Variants in ABHD3 observed in about 807,000 individuals in gnomAD.
ABHD3 encodes phospholipase ABHD3.
A neutral mutation model predicts 48.8 loss-of-function variants in ABHD3; 46 were observed. That is an observed-to-expected ratio of 0.94 (90% confidence interval 0.74 to 1.20). The LOEUF is 1.20. Ranked by LOEUF, ABHD3 falls within the 50% of genes most tolerant of loss-of-function variation. The pLI, the probability that ABHD3 is intolerant of heterozygous loss-of-function variation, is 0.00. For missense variants in ABHD3, 490 were observed against 497.8 expected (o/e 0.98, Z 0.15); for synonymous variants, 192 against 183.7 (o/e 1.04, Z -0.36).
intron 4 of ABHD3, among the ~76,000 whole-genome samples, chr18:21,665,632 C>T (rs905889723): frequency 3.3e-5 from 5 of 151,890 alleles, no homozygotes; most frequent in East Asian, 1.9e-4. Flanking sequence ...GCTAAAACAG[C>T]GAAACCCTGT....
In ABHD3 at chr18:21,657,531, G is replaced by A. The variant is rs1049164234; in HGVS notation, c.843-379C>T. On this transcript the variant is annotated intron_variant, in intron 6 of 8. Coordinates refer to ENST00000289119, the MANE Select transcript of ABHD3 (RefSeq NM_138340.5). ...TTTTGTGGGTTTTTTTTTTCTTTTG[G>A]TAGAGATGGGGTTTTGCCATGTCAC... is the stretch of plus-strand genomic sequence containing the variant. Among the ~76,000 whole-genome samples the A allele has an allele frequency of 4.6e-5, 7 of 151,454 alleles. No individual in the cohort carries two copies. In the East Asian group the frequency reaches 1.4e-3, roughly 30 times the overall value.
intron 5 of ABHD3, among the ~76,000 whole-genome samples, chr18:21,663,244 T>A (rs1375978995): frequency 2.6e-5 from 4 of 151,922 alleles, no homozygotes; most frequent in Non-Finnish European, 5.9e-5. Context: ...TATAGAAAAA[T>A]GCTATTCATT....
At chr18:21,694,707 G>A (rs1202118983) in intron 3 of ABHD3, among the ~76,000 whole-genome samples, 1 of 151,994 alleles carries the variant, frequency 6.6e-6, no homozygotes, top group Non-Finnish European at 1.5e-5. Context: ...CAAACTCATC[G>A]AATGGGTGAT....
intron 3 of ABHD3, 151 bp from the exon 4 acceptor site, chr18:21,684,116 T>C (rs2040072917): frequency 3.4e-6 from 2 of 593,456 alleles, no homozygotes; most frequent in Non-Finnish European, 5.7e-6. Flanking sequence ...TTCATCTAAA[T>C]GCAATGCACT....
chr18:21,701,354 T>C (rs1465576210), intron 3 of ABHD3: 6 of 152,142 alleles, frequency 3.9e-5, no homozygotes, highest in African/African-American at 1.4e-4. Flanking sequence ...GCTGGAACTA[T>C]AGGTGCATGC....
chr18:21,662,855 A>C (rs764113424), intron 5 of ABHD3, among the ~76,000 whole-genome samples: 11 of 152,320 alleles, frequency 7.2e-5, no homozygotes, highest in Non-Finnish European at 1.6e-4. Context: ...TGAATAGAGA[A>C]TCTGAACCTG....
chr18:21,689,823 A>G (rs1257496316), intron 3 of ABHD3, among the ~76,000 whole-genome samples: 1 of 152,144 alleles, frequency 6.6e-6, no homozygotes, highest in African/African-American at 2.4e-5. Flanking sequence ...AACAGAGGAG[A>G]GAGAGTTTGA....
rs889984726 is a variant in ABHD3, at chr18:21,656,989, G to C, written c.929C>G (p.Ser310Ter). 16 of 1,614,034 alleles carry C rather than the reference G, an allele frequency of 9.9e-6. No homozygotes were observed. Among genetic ancestry groups the C allele is most frequent in the Non-Finnish European group, 1.4e-5 (16 of 1,180,000 alleles). ...AATTGTTTGGTATCCAAACATGACTGAAGTGAATCGCTTATCAAACTCTCT... is the reference window on the plus strand; with the variant it reads ...AATTGTTTGGTATCCAAACATGACTCAAGTGAATCGCTTATCAAACTCTCT... ...SIREFDKRFT[S>*]VMFGYQTIDD... The change falls in exon 8 of 9, where the codon TCA becomes TGA. Residue 310 changes from serine to a stop codon, truncating the protein, a stop_gained. Coordinates refer to ENST00000289119, the MANE Select transcript of ABHD3 (RefSeq NM_138340.5). LOFTEE classifies it high-confidence loss of function.
chr18:21,671,659 C>A (rs1192534930), intron 4 of ABHD3, among the ~76,000 whole-genome samples: 1 of 151,978 alleles, frequency 6.6e-6, no homozygotes, highest in African/African-American at 2.4e-5. Context: ...TGTAAAAAAT[C>A]CAAAAGATAT....
chr18:21,678,634 T>G (rs900256567), intron 4 of ABHD3, among the ~76,000 whole-genome samples: 1 of 152,174 alleles, frequency 6.6e-6, no homozygotes, highest in African/African-American at 2.4e-5. Flanking sequence ...AAATTATTCC[T>G]AAACTAAGTT....
chr18:21,683,881 T>C (rs758493666), intron 4 of ABHD3, 39 bp downstream of exon 4: 5 of 1,527,272 alleles, frequency 3.3e-6, no homozygotes, highest in Admixed American at 3.9e-5. Flanking sequence ...GAAATGATTC[T>C]TTAAAAAGTT....
chr18:21,685,849 C>T (rs951111405), intron 3 of ABHD3, among the ~76,000 whole-genome samples: 1 of 152,226 alleles, frequency 6.6e-6, no homozygotes, highest in Non-Finnish European at 1.5e-5. Flanking sequence ...AGGCACGTGC[C>T]ACCACGCCCG....
chr18:21,704,161 A>G (rs2040581676), intron 1 of ABHD3, among the ~76,000 whole-genome samples: 1 of 152,214 alleles, frequency 6.6e-6, no homozygotes, highest in African/African-American at 2.4e-5. Flanking sequence ...TGCTGAGATT[A>G]CAGGCGTGAG....
At chr18:21,700,128 C>T (rs529947020) in intron 3 of ABHD3, among the ~76,000 whole-genome samples, 15 of 150,332 alleles carry the variant, frequency 1.0e-4, no homozygotes, top group South Asian at 6.4e-4. Context: ...CTCGCTCTGT[C>T]GCCCAGGCTG....
chr18:21,703,207 C>T (rs1284692868), intron 2 of ABHD3, among the ~76,000 whole-genome samples: 1 of 128,908 alleles, frequency 7.8e-6, no homozygotes, highest in Non-Finnish European at 1.7e-5. Context: ...AAGTGGCATC[C>T]TTCTCACCCC....
intron 3 of ABHD3, among the ~76,000 whole-genome samples, chr18:21,692,498 T>C (rs2040274691): frequency 6.6e-6 from 1 of 151,738 alleles, no homozygotes; most frequent in Non-Finnish European, 1.5e-5. Context: ...TTGCTGATCA[T>C]AAGTTCTAAG....
chr18:21,704,586 A>G lies in ABHD3; in HGVS notation c.80T>C (p.Phe27Ser). 1 of 1,551,666 alleles carries G rather than the reference A, an allele frequency of 6.4e-7. No individual in the cohort carries two copies. Among genetic ancestry groups the G allele is most frequent in the East Asian group, 2.6e-5 (1 of 37,946 alleles). The change falls in exon 1 of 9, where the codon TTC becomes TCC. Residue 27 changes from phenylalanine (F) to serine (S), a missense_variant. Physicochemically the swap from Phe to Ser is radical, Grantham distance 155. Transcript: ENST00000289119. ...GGATAAGCCCACCCCCGAGCCGAAG[A>G]ACCCCACCCGGACTTGGTGTTCCAG... The part of the protein sequence containing the change: ...LYLEHQVRVG[F>S]FGSGVGLSLI...
chr18:21,677,812 T>C (rs1483418784), intron 4 of ABHD3, among the ~76,000 whole-genome samples: 1 of 151,892 alleles, frequency 6.6e-6, no homozygotes. Context: ...GCCTCCTGAG[T>C]AGCTGGGACT....
Position 21,656,864 on chromosome 18 carries a change from G to T in ABHD3, c.1054C>A (p.His352Asn). Reference protein sequence around the residue: ...NSVDDVFSPSHAIPIETAKQN... With the variant: ...NSVDDVFSPSNAIPIETAKQN... ...TATACAAATATGTTAATTTTACCAT[G>T]ACTGGGTGAGAAAACATCATCCACA... Residue 352 changes from histidine to asparagine, a missense_variant, in exon 8 of 9, where the codon CAT (histidine) becomes AAT (asparagine). Coordinates refer to ENST00000289119, the MANE Select transcript of ABHD3 (RefSeq NM_138340.5). 1 of 1,590,808 alleles carries T rather than the reference G, an allele frequency of 6.3e-7. No homozygotes were observed. Among genetic ancestry groups the T allele is most frequent in the South Asian group, 1.1e-5 (1 of 87,864 alleles).
Sources: allele counts gnomAD v4.1 joint callset (sites outside exome capture counted in the v4.1 genomes callset), GRCh38; gene constraint gnomAD v4.1.1; transcripts MANE v1.5; gene names NCBI Gene and HGNC (gene_info 2026-07-23, HGNC 2026-07-21).